NEK10: variants seen among roughly 807,000 people sequenced by gnomAD.
NEK10 encodes NIMA related kinase 10.
A neutral mutation model predicts 159.8 loss-of-function variants in NEK10; 122 were observed. That is an observed-to-expected ratio of 0.76 (90% CI 0.66 to 0.89). The LOEUF is 0.89. Among genes scored for constraint, NEK10 ranks in the 40% least tolerant of loss-of-function variants. The pLI, the probability that NEK10 is intolerant of heterozygous loss-of-function variation, is 0.00. For missense variants in NEK10, 1,342 were observed against 1,323.1 expected (o/e 1.01, Z -0.22); for synonymous variants, 466 against 457.1 (o/e 1.02, Z -0.25).
rs201148723 is a variant in NEK10, at chr3:27,255,297, T to G, written c.2090+999A>C. On this transcript the variant is annotated intron_variant, in intron 23 of 35. Coordinates refer to ENST00000691995, the MANE Select transcript of NEK10 (RefSeq NM_001394966.1). Reference sequence around the variant, plus strand: ...GCCACAGTTTCTTTGCATCTTCTCATGAAACCACTTTCAAGAATAAAGATG... The same window carrying G: ...GCCACAGTTTCTTTGCATCTTCTCAGGAAACCACTTTCAAGAATAAAGATG... 9 of 434,350 alleles carry G rather than the reference T, an allele frequency of 2.1e-5. No homozygotes were observed. In the East Asian group the frequency reaches 2.9e-4, roughly 14 times the overall value. 26.9% of individuals were successfully genotyped at this position (434,350 alleles called of 1,614,324 possible).
chr3:27,364,124 C>T lies in NEK10; in HGVS notation c.-38+5101G>A, dbSNP rs554003726. ...TGTGGAGAGTGCGGTCTCACTATGT[C>T]GCCCAGGCTGGTAATAATATTACTT... is the stretch of plus-strand genomic sequence containing the variant. On this transcript the variant is annotated intron_variant, in intron 1 of 35. Transcript: ENST00000691995. 7.9e-5 allele frequency among the ~76,000 whole-genome samples: 12 copies of T among 151,224 alleles called. No individual in the cohort carries two copies. In the South Asian group the frequency reaches 1.1e-3, roughly 13 times the overall value.
rs115380330 is a variant in NEK10 at position 27,214,356 on chromosome 3, C to T, written c.2091-11799G>A. Among the ~76,000 whole-genome samples the T allele has an allele frequency of 8.9e-3, 1,361 of 152,226 alleles. 9 individuals are homozygous for T. Among genetic ancestry groups the T allele is most frequent in the Non-Finnish European group, 0.012 (837 of 68,008 alleles). On this transcript the variant is annotated intron_variant, in intron 23 of 35. Coordinates refer to ENST00000691995, the MANE Select transcript of NEK10 (RefSeq NM_001394966.1). Reference sequence around the variant, plus strand: ...AGAACAAATCTCTTCAAGTATTTTACGGAGCTTGGCTTTTTTCATCAATAA... The same window carrying T: ...AGAACAAATCTCTTCAAGTATTTTATGGAGCTTGGCTTTTTTCATCAATAA...
intron 30 of NEK10, among the ~76,000 whole-genome samples, chr3:27,153,170 A>C (rs1304085388): frequency 6.6e-6 from 1 of 152,118 alleles, no homozygotes; most frequent in South Asian, 2.1e-4. Context: ...AATACAAAAA[A>C]TTAGCCGGGC....
intron 32 of NEK10, among the ~76,000 whole-genome samples, chr3:27,126,523 CTATAT>C (rs1171404995): frequency 6.6e-6 from 1 of 152,104 alleles, no homozygotes; most frequent in African/African-American, 2.4e-5. Flanking sequence ...TGGGCAGGTA[CTATAT>C]TTTATAGGTT....
At chr3:27,311,126 A>G (rs967465857) in intron 8 of NEK10, 110 bp from the exon 9 acceptor site, 3 of 646,174 alleles carry the variant, frequency 4.6e-6, no homozygotes, top group East Asian at 2.8e-5. Flanking sequence ...GTCAAAGGGA[A>G]CACAGCACAA....
intron 31 of NEK10, among the ~76,000 whole-genome samples, chr3:27,140,272 A>G (rs917604254): frequency 2.6e-4 from 39 of 152,202 alleles, no homozygotes; most frequent in Admixed American, 2.6e-3. Flanking sequence ...CAGTTTCCAG[A>G]TGCAAGTCAA....
intron 33 of NEK10, among the ~76,000 whole-genome samples, chr3:27,116,938 T>C (rs748759327): frequency 6.6e-6 from 1 of 152,066 alleles, no homozygotes; most frequent in Non-Finnish European, 1.5e-5. Context: ...AAGCCCAGCA[T>C]GCATTAGCTA....
rs148704634 is a variant in NEK10, at chr3:27,170,417, T to A, written c.2831+1402A>T. On this transcript the variant is annotated intron_variant, in intron 29 of 35. Transcript: ENST00000691995. ...ACAGTCCTCTCAGCTGTCTAGAATA[T>A]TGGCCTAGAATATCAACTAATACAT... is the stretch of plus-strand genomic sequence containing the variant. Among the ~76,000 whole-genome samples, 430 of 152,294 alleles carry A rather than the reference T, an allele frequency of 2.8e-3. 4 individuals are homozygous for A. Among genetic ancestry groups the A allele is most frequent in the African/African-American group, 0.01 (418 of 41,576 alleles).
chr3:27,297,075 T>A, intron 14 of NEK10, 104 bp downstream of exon 14: 1 of 651,192 alleles, frequency 1.5e-6, no homozygotes, highest in Non-Finnish European at 2.8e-6. Flanking sequence ...TAAAATCACA[T>A]GATGGGAATC....
chr3:27,339,343 A>C (rs985553655), intron 5 of NEK10, among the ~76,000 whole-genome samples: 11 of 152,238 alleles, frequency 7.2e-5, no homozygotes, highest in Non-Finnish European at 4.4e-5. Flanking sequence ...AATTTAAACA[A>C]ATTTACAAGA....
At chr3:27,112,645 T>G (rs1445708477) in intron 35 of NEK10, among the ~76,000 whole-genome samples, 1 of 152,178 alleles carries the variant, frequency 6.6e-6, no homozygotes, top group Non-Finnish European at 1.5e-5. Context: ...ACAAACAAGG[T>G]CAACAGATTT....
At position 27,304,970 on chromosome 3, in the gene NEK10, G is replaced by T; in HGVS notation, c.805C>A (p.Leu269Ile). 6.3e-7 allele frequency: 1 copy of T among 1,597,738 alleles called. No individual in the cohort carries two copies. The part of the protein sequence containing the change: ...LHEYDLLSKR[L>I]TAELLRLLCA... ...AGTAGGCGCAGCAACTCCGCTGTTAGTCTGAAAGGGGTACAGAGGGTGGGG... is the reference window on the plus strand; with the variant it reads ...AGTAGGCGCAGCAACTCCGCTGTTATTCTGAAAGGGGTACAGAGGGTGGGG... The change falls in exon 12 of 36, where the codon CTA (leucine) becomes ATA (isoleucine). Residue 269 changes from leucine to isoleucine, a missense_variant and splice_region_variant. Leu to Ile is a conservative substitution (Grantham distance 5). Coordinates refer to ENST00000691995, the MANE Select transcript of NEK10 (RefSeq NM_001394966.1).
At chr3:27,119,068 T>C (rs1374737686) in intron 33 of NEK10, among the ~76,000 whole-genome samples, 2 of 152,240 alleles carry the variant, frequency 1.3e-5, no homozygotes, top group East Asian at 3.8e-4. Context: ...AGCTTCCTCT[T>C]AGAATTCAGA....
intron 23 of NEK10, among the ~76,000 whole-genome samples, chr3:27,248,745 A>C (rs1194582484): frequency 6.6e-6 from 1 of 152,042 alleles, no homozygotes; most frequent in Non-Finnish European, 1.5e-5. Flanking sequence ...ACTTTTTTTT[A>C]AATGTTTTAA....
intron 31 of NEK10, among the ~76,000 whole-genome samples, chr3:27,140,162 T>C (rs1292244784): frequency 6.6e-6 from 1 of 152,188 alleles, no homozygotes; most frequent in East Asian, 1.9e-4. Context: ...CCTATTAAAG[T>C]ATTCCTTGAT....
In NEK10 at chr3:27,346,232, C is replaced by T. The variant is rs958224406; in HGVS notation, c.133-16G>A. 6.2e-7 allele frequency: 1 copy of T among 1,613,118 alleles called. No individual in the cohort carries two copies. Among genetic ancestry groups the T allele is most frequent in the Non-Finnish European group, 8.5e-7 (1 of 1,179,396 alleles). ...TGGCTGGAAGCTACAGAAATAGAAG[C>T]ATAGAGTACATGAGGATCACAATTC... On this transcript the variant is annotated splice_polypyrimidine_tract_variant and intron_variant, in intron 3 of 35. Transcript: ENST00000691995.
chr3:27,242,629 C>CA (rs1389697063), intron 23 of NEK10, among the ~76,000 whole-genome samples: 1 of 152,184 alleles, frequency 6.6e-6, no homozygotes, highest in Non-Finnish European at 1.5e-5. Context: ...CACCCATGTC[C>CA]ACTGGCATCT....
intron 11 of NEK10, among the ~76,000 whole-genome samples, chr3:27,305,601 T>C: frequency 7.5e-6 from 1 of 133,648 alleles, no homozygotes; most frequent in East Asian, 2.0e-4. Flanking sequence ...GACATCTGCA[T>C]TGTGCTAAAG....
chr3:27,179,728 A>G (rs1322832887), intron 26 of NEK10, among the ~76,000 whole-genome samples: 1 of 152,228 alleles, frequency 6.6e-6, no homozygotes, highest in Non-Finnish European at 1.5e-5. Flanking sequence ...GTATATACCA[A>G]TATATTTAAA....
Sources: allele counts gnomAD v4.1 joint callset (sites outside exome capture counted in the v4.1 genomes callset), GRCh38; gene constraint gnomAD v4.1.1; transcripts MANE v1.5; gene names NCBI Gene and HGNC (gene_info 2026-07-23, HGNC 2026-07-21).